EPB41: variants seen among roughly 807,000 people sequenced by gnomAD.
EPB41 encodes the protein erythrocyte membrane protein band 4.1, also known as protein 4.1.
In EPB41, 65 loss-of-function variants were observed where a neutral mutation model predicts 108.0. The observed-to-expected ratio is 0.60, with a 90% confidence interval of 0.49 to 0.74. EPB41 has a LOEUF of 0.74. Among genes scored for constraint, EPB41 ranks in the 30% least tolerant of loss-of-function variants. The probability of loss-of-function intolerance (pLI) is 0.00; values close to 1 mark genes in which losing one functional copy is unlikely to be tolerated. For missense variants in EPB41, 875 were observed against 1,037.0 expected (o/e 0.84, Z 2.15); for synonymous variants, 336 against 358.9 (o/e 0.94, Z 0.72).
intron 1 of EPB41, among the ~76,000 whole-genome samples, chr1:28,906,871 G>A (rs948918842): frequency 1.3e-5 from 2 of 151,618 alleles, no homozygotes; most frequent in Non-Finnish European, 2.9e-5. Flanking sequence ...TGCCTCACGG[G>A]TTCACGCCAT....
upstream of EPB41, among the ~76,000 whole-genome samples, chr1:28,914,144 G>C (rs910177270): frequency 6.6e-6 from 1 of 152,198 alleles, no homozygotes; most frequent in Non-Finnish European, 1.5e-5. Context: ...AGTTGGGGTA[G>C]CCTGGCTACA....
intron 14 of EPB41, 69 bp from the exon 15 acceptor site, chr1:29,060,353 G>A: frequency 2.6e-6 from 4 of 1,522,556 alleles, no homozygotes; most frequent in Non-Finnish European, 3.6e-6. Flanking sequence ...CCAATTTTCA[G>A]TTTTTTCCCG....
chr1:28,977,070 C>T (rs2095623483), intron 1 of EPB41, among the ~76,000 whole-genome samples: 1 of 152,064 alleles, frequency 6.6e-6, no homozygotes, highest in Non-Finnish European at 1.5e-5. Context: ...CCAAGCTGGT[C>T]ACAAATTCCT....
At chr1:28,998,104 A>C (rs1044060073) in intron 4 of EPB41, among the ~76,000 whole-genome samples, 2 of 152,228 alleles carry the variant, frequency 1.3e-5, no homozygotes, top group Non-Finnish European at 2.9e-5. Context: ...TATGAAGATA[A>C]CATTAATTAC....
At position 29,089,462 on chromosome 1, in the gene EPB41, C is replaced by A. The variant is rs75868270; in HGVS notation, c.2185-8345C>A. ...AAGTAAGACAGTAACAAGTTCTCATCCCCCAAGGATTTCATAGGCTAATGG... is the reference window on the plus strand; with the variant it reads ...AAGTAAGACAGTAACAAGTTCTCATACCCCAAGGATTTCATAGGCTAATGG... On this transcript the variant is annotated intron_variant, in intron 16 of 20. Transcript: ENST00000343067. Among the ~76,000 whole-genome samples the A allele has an allele frequency of 7.2e-3, 1,099 of 152,252 alleles. 13 individuals are homozygous for A. Among genetic ancestry groups the A allele is most frequent in the African/African-American group, 0.026 (1,067 of 41,556 alleles).
intron 4 of EPB41, 77 bp from the exon 5 acceptor site, chr1:29,011,788 T>C (rs561450281): frequency 8.8e-6 from 13 of 1,483,916 alleles, no homozygotes; most frequent in Non-Finnish European, 1.2e-5. Context: ...TTGAAGATAG[T>C]CAGTGATCTT....
intron 16 of EPB41, among the ~76,000 whole-genome samples, chr1:29,067,746 C>T (rs866119941): frequency 7.9e-5 from 12 of 151,922 alleles, no homozygotes; most frequent in South Asian, 6.2e-4. Context: ...TAACAGTTCT[C>T]CAAACAGAGC....
At position 29,018,176 on chromosome 1, in the gene EPB41, T is replaced by G; in HGVS notation, c.906-48T>G. On this transcript the variant is annotated intron_variant, in intron 6 of 20. Coordinates refer to ENST00000343067, the MANE Select transcript of EPB41 (RefSeq NM_001376013.1). This position sits in a 1 kb window ranked among gnomAD's most constrained non-coding sequence, Gnocchi z 4.4. ...CTTTTCTCCTTTTTCTCTCTTTATA[T>G]TTTGTTGTTGTTGTTGCTGACATAA... 1 of 1,548,188 alleles carries G rather than the reference T, an allele frequency of 6.5e-7. No homozygotes were observed. Among genetic ancestry groups the G allele is most frequent in the South Asian group, 1.1e-5 (1 of 89,440 alleles).
At chr1:28,950,879 A>G (rs2094693426) in intron 1 of EPB41, among the ~76,000 whole-genome samples, 1 of 152,128 alleles carries the variant, frequency 6.6e-6, no homozygotes, top group South Asian at 2.1e-4. Flanking sequence ...CTTGTTGCCC[A>G]GGCTGGAGTG....
Position 29,019,058 on chromosome 1 carries a change from G to A in EPB41, c.1124+616G>A, listed in dbSNP as rs16837857. On this transcript the variant is annotated intron_variant, in intron 7 of 20. Transcript: ENST00000343067. ...TCAATTATAATGTCTCTGAGCCTCA[G>A]GTTTCTTATATTTCTGATGGAGATT... Among the ~76,000 whole-genome samples the A allele has an allele frequency of 6.3e-3, 954 of 152,184 alleles. 6 individuals are homozygous for A. Among genetic ancestry groups the A allele is most frequent in the African/African-American group, 0.022 (896 of 41,508 alleles).
intron 1 of EPB41, among the ~76,000 whole-genome samples, chr1:28,922,299 T>C (rs1172611210): frequency 2.0e-5 from 3 of 151,842 alleles, no homozygotes; most frequent in South Asian, 4.1e-4. Context: ...TAGATAGTCT[T>C]GAGATAATTG....
At chr1:28,900,845 C>A (rs1018908993) in intron 1 of EPB41, among the ~76,000 whole-genome samples, 2 of 152,146 alleles carry the variant, frequency 1.3e-5, no homozygotes, top group African/African-American at 4.8e-5. Context: ...CACTCTACCC[C>A]CAAACACTTT....
intron 16 of EPB41, chr1:29,072,671 G>A (rs915669179): frequency 6.6e-6 from 1 of 152,182 alleles, no homozygotes; most frequent in Non-Finnish European, 1.5e-5. Flanking sequence ...GGGTAAGAAT[G>A]ATTAAGAGGA....
At chr1:28,927,365 C>T (rs1345268958) in intron 1 of EPB41, among the ~76,000 whole-genome samples, 1 of 152,014 alleles carries the variant, frequency 6.6e-6, no homozygotes, top group Non-Finnish European at 1.5e-5. Context: ...GTTCTTTTTA[C>T]CTGTGAAAAA....
chr1:29,032,252 C>T (rs796139554), intron 8 of EPB41, among the ~76,000 whole-genome samples: 5 of 152,240 alleles, frequency 3.3e-5, no homozygotes, highest in African/African-American at 1.2e-4. Context: ...TTCACAATTC[C>T]TGCTGGAAGC....
intron 10 of EPB41, among the ~76,000 whole-genome samples, chr1:29,037,731 T>G (rs923977805): frequency 2.6e-5 from 4 of 151,970 alleles, no homozygotes; most frequent in East Asian, 1.9e-4. Context: ...GAGACCGGGT[T>G]TCACCATATT....
chr1:28,908,294 C>T (rs568379325), intron 1 of EPB41, among the ~76,000 whole-genome samples: 35 of 149,878 alleles, frequency 2.3e-4, no homozygotes, highest in African/African-American at 8.1e-4. Flanking sequence ...CCCAGCTGCT[C>T]GGGAGGCTGA....
chr1:28,954,250 T>A (rs927881628), intron 1 of EPB41, among the ~76,000 whole-genome samples: 1 of 152,232 alleles, frequency 6.6e-6, no homozygotes, highest in Non-Finnish European at 1.5e-5. Flanking sequence ...TGTTTTATAC[T>A]GTGCTATTTA....
At chr1:29,091,312 C>T (rs963506935) in intron 16 of EPB41, among the ~76,000 whole-genome samples, 1 of 152,194 alleles carries the variant, frequency 6.6e-6, no homozygotes, top group East Asian at 1.9e-4. Context: ...CCCAAAGTTC[C>T]TCTCCATGTG....
Sources: allele counts gnomAD v4.1 joint callset (sites outside exome capture counted in the v4.1 genomes callset), GRCh38; gene constraint gnomAD v4.1.1; non-coding constraint Gnocchi (gnomAD v3.1); transcripts MANE v1.5; gene names NCBI Gene and HGNC (gene_info 2026-07-23, HGNC 2026-07-21).